RPA3: variants seen among roughly 807,000 people sequenced by gnomAD.
The protein encoded by RPA3 is replication protein A3.
In RPA3, 24 loss-of-function variants were observed where a neutral mutation model predicts 13.7. The observed-to-expected ratio is 1.75, with a 90% CI of 1.27 to 2.46. The LOEUF (loss-of-function observed/expected upper bound fraction) is 2.46. RPA3 is among the 30% of genes most tolerant of loss of function. The pLI is 0.00. For missense variants in RPA3, 183 were observed against 151.0 expected, an observed-to-expected ratio of 1.21 and a Z score of -1.11; for synonymous variants, 59 against 51.2, an observed-to-expected ratio of 1.15 and a Z score of -0.65.
At chr7:7,710,293 T>G (rs971643382) in intron 2 of RPA3, among the ~76,000 whole-genome samples, 1 of 152,166 alleles carries the variant, frequency 6.6e-6, no homozygotes, top group Non-Finnish European at 1.5e-5. Context: ...GTCTCACACT[T>G]TATGCAAAAA....
intron 4 of RPA3, among the ~76,000 whole-genome samples, chr7:7,643,538 C>G (rs1341014022): frequency 1.3e-5 from 2 of 152,160 alleles, no homozygotes; most frequent in African/African-American, 4.8e-5. Context: ...TGGTGAAACC[C>G]TGTCTCTACT....
chr7:7,666,146 C>G (rs187422695), intron 4 of RPA3, among the ~76,000 whole-genome samples: 20 of 152,228 alleles, frequency 1.3e-4, no homozygotes, highest in African/African-American at 3.6e-4. Context: ...TCCAGTTGCT[C>G]CATATCTTTG....
intron 4 of RPA3, among the ~76,000 whole-genome samples, chr7:7,685,105 C>A (rs1219436489): frequency 6.6e-6 from 1 of 151,942 alleles, no homozygotes; most frequent in Non-Finnish European, 1.5e-5. Flanking sequence ...GGATGAGACT[C>A]TAAGTAAAAT....
In RPA3 at chr7:7,714,452, G is replaced by A. The variant is rs1470453389; in HGVS notation, c.-1028+723C>T. ...TTGTACTTAAACATGAATAAAGAGG[G>A]AGTACTTATAGCTACGAAACTTTGT... is the stretch of plus-strand genomic sequence containing the variant. On this transcript the variant is annotated intron_variant, in intron 2 of 7. Transcript: ENST00000223129. Among the ~76,000 whole-genome samples the A allele has an allele frequency of 2.0e-5, 3 of 152,304 alleles. No individual in the cohort carries two copies. The East Asian group carries it at 5.8e-4, about 29-fold the overall frequency.
intron 4 of RPA3, among the ~76,000 whole-genome samples, chr7:7,674,399 C>A (rs80045764): frequency 7.0e-4 from 107 of 152,242 alleles, no homozygotes; most frequent in African/African-American, 2.6e-3. Flanking sequence ...CTCTGTGAGA[C>A]CAGAATAGAG....
intron 4 of RPA3, among the ~76,000 whole-genome samples, chr7:7,650,699 A>T (rs921170097): frequency 7.9e-5 from 12 of 152,228 alleles, no homozygotes; most frequent in Admixed American, 7.9e-4. Context: ...TGCCAAACGC[A>T]CCTTGATTTA....
At chr7:7,690,869 A>T (rs1037949074) in intron 2 of RPA3, among the ~76,000 whole-genome samples, 4 of 152,232 alleles carry the variant, frequency 2.6e-5, no homozygotes, top group Non-Finnish European at 5.9e-5. Context: ...AAATTCAATT[A>T]TGACTTATAC....
intron 2 of RPA3, among the ~76,000 whole-genome samples, chr7:7,701,493 C>T (rs1188583501): frequency 6.6e-6 from 1 of 152,190 alleles, no homozygotes; most frequent in Non-Finnish European, 1.5e-5. Context: ...AGTGCTCACT[C>T]TTACATGCTT....
chr7:7,636,943 C>T lies in RPA3; in HGVS notation c.*57G>A. The T allele has an allele frequency of 8.1e-7, 1 of 1,240,906 alleles. No homozygotes were observed. The highest frequency in any genetic ancestry group is 1.2e-6 in the Non-Finnish European group (1 of 854,618). The allele number at this position is 1,240,906 out of a possible 1,614,324, so 76.9% of individuals were successfully genotyped here. A position where few individuals can be genotyped will look rare whatever the true frequency, so the allele number is the denominator to read the frequency against. On this transcript the variant is annotated 3_prime_UTR_variant, in exon 8 of 8. Transcript: ENST00000223129. The stretch of plus-strand genomic sequence containing the variant: ...AAATCTCTCCCTCAAACAAGAAGGG[C>T]TTCCTTTAATAGACTTTAATATAGC...
At chr7:7,677,833 C>T (rs944474817) in intron 4 of RPA3, among the ~76,000 whole-genome samples, 12 of 150,936 alleles carry the variant, frequency 8.0e-5, no homozygotes, top group African/African-American at 2.7e-4. Flanking sequence ...GCCACTACGC[C>T]CGGCTAATTT....
At chr7:7,695,472 T>G (rs941251907) in intron 2 of RPA3, among the ~76,000 whole-genome samples, 1 of 152,248 alleles carries the variant, frequency 6.6e-6, no homozygotes, top group Non-Finnish European at 1.5e-5. Context: ...CATTTAATTT[T>G]TATTACATGT....
chr7:7,646,156 G>T (rs1785089043), intron 4 of RPA3, among the ~76,000 whole-genome samples: 1 of 152,204 alleles, frequency 6.6e-6, no homozygotes, highest in Non-Finnish European at 1.5e-5. Flanking sequence ...CAGTGTGACA[G>T]CCTTTTTGGG....
At chr7:7,717,925 A>G (rs1040276315) in intron 1 of RPA3, among the ~76,000 whole-genome samples, 3 of 152,336 alleles carry the variant, frequency 2.0e-5, no homozygotes, top group South Asian at 2.1e-4. Context: ...AATAAACTTG[A>G]TGTTTAATTG....
At chr7:7,707,706 C>G (rs1373470014) in intron 2 of RPA3, among the ~76,000 whole-genome samples, 1 of 152,116 alleles carries the variant, frequency 6.6e-6, no homozygotes, top group Non-Finnish European at 1.5e-5. Flanking sequence ...TAAAGCTATT[C>G]TTAGTGTTAA....
At chr7:7,647,481 G>A (rs1435287038) in intron 4 of RPA3, among the ~76,000 whole-genome samples, 2 of 152,134 alleles carry the variant, frequency 1.3e-5, no homozygotes, top group Non-Finnish European at 2.9e-5. Flanking sequence ...TGTGTAAATT[G>A]CACTGTTCAC....
At chr7:7,638,705 G>C (rs1784903414) in intron 6 of RPA3, 1 of 163,372 alleles carries the variant, frequency 6.1e-6, no homozygotes, top group Non-Finnish European at 1.3e-5. Context: ...TTCCACCCGG[G>C]GTAACAGAGT....
intron 2 of RPA3, among the ~76,000 whole-genome samples, chr7:7,691,018 A>G (rs919470856): frequency 1.3e-5 from 2 of 152,208 alleles, no homozygotes; most frequent in Non-Finnish European, 2.9e-5. Flanking sequence ...ACCTTGAAGC[A>G]TGTAGAGCTC....
chr7:7,665,768 A>G, intron 4 of RPA3, among the ~76,000 whole-genome samples: 1 of 151,394 alleles, frequency 6.6e-6, no homozygotes, highest in East Asian at 1.9e-4. Flanking sequence ...TGAGAAGCTT[A>G]TATAAATGGA....
chr7:7,715,324 A>G (rs1419132487), intron 1 of RPA3, 98 bp from the exon 2 acceptor site: 1 of 149,710 alleles, frequency 6.7e-6, no homozygotes, highest in Non-Finnish European at 1.5e-5. Flanking sequence ...TAGTAGTAGC[A>G]GAAGAGTTGA....
Sources: allele counts gnomAD v4.1 joint callset (sites outside exome capture counted in the v4.1 genomes callset), GRCh38; gene constraint gnomAD v4.1.1; transcripts MANE v1.5; gene names NCBI Gene and HGNC (gene_info 2026-07-23, HGNC 2026-07-21).